Variants in CHL1 observed in about 807,000 individuals in gnomAD.
CHL1 encodes neural cell adhesion molecule L1-like protein.
In CHL1, 96 loss-of-function variants were observed where a neutral mutation model predicts 141.9. The observed-to-expected ratio is 0.68, with a 90% confidence interval of 0.57 to 0.80. The LOEUF (loss-of-function observed/expected upper bound fraction) is 0.80, where lower values mean the gene tolerates loss of function less well. Ranked by LOEUF, CHL1 falls within the 30% of genes least tolerant of loss-of-function variation. The pLI is 0.00. For synonymous variants in CHL1, 613 were observed against 502.2 expected, an observed-to-expected ratio of 1.22 and a Z score of -2.95; for missense variants, 1,820 against 1,457.2, an observed-to-expected ratio of 1.25 and a Z score of -4.05.
intron 2 of CHL1, among the ~76,000 whole-genome samples, chr3:272,138 T>C (rs1414293285): frequency 1.3e-5 from 2 of 152,220 alleles, no homozygotes; most frequent in African/African-American, 4.8e-5. Flanking sequence ...TTCAATTAAT[T>C]AGTTAAAATT....
At chr3:281,466 T>C (rs1342924256) in intron 2 of CHL1, among the ~76,000 whole-genome samples, 1 of 152,156 alleles carries the variant, frequency 6.6e-6, no homozygotes, top group Non-Finnish European at 1.5e-5. Flanking sequence ...CCCAGAAATC[T>C]TCTCTTGTTG....
At chr3:326,263 T>C (rs992898204) in intron 4 of CHL1, among the ~76,000 whole-genome samples, 199 bp downstream of exon 4, 5 of 152,084 alleles carry the variant, frequency 3.3e-5, no homozygotes, top group African/African-American at 1.2e-4. Flanking sequence ...GAATTTATTT[T>C]GACCATAAAC....
At chr3:391,225 T>C in intron 22 of CHL1, 66 bp downstream of exon 22, 1 of 1,291,776 alleles carries the variant, frequency 7.7e-7, no homozygotes. Context: ...TTAAACATTC[T>C]TCCTTATGGC....
chr3:306,561 A>G (rs189360666), intron 2 of CHL1, among the ~76,000 whole-genome samples: 10 of 152,256 alleles, frequency 6.6e-5, no homozygotes, highest in Admixed American at 5.2e-4. Flanking sequence ...TGTTTCTGTG[A>G]ACTACAGATT....
At position 349,541 on chromosome 3, in the gene CHL1, A is replaced by G; in HGVS notation, c.1031A>G (p.Glu344Gly). 1 of 1,611,152 alleles carries G rather than the reference A, an allele frequency of 6.2e-7. No individual in the cohort carries two copies. The highest frequency in any genetic ancestry group is 2.2e-5 in the East Asian group (1 of 44,858). The change falls in exon 10 of 28, where the codon GAA (glutamate) becomes GGA (glycine). Residue 344 changes from glutamate (E) to glycine (G), a missense_variant and splice_region_variant. Transcript: ENST00000256509. ...ACTCACGATTTTCACGTTATAGTAG[A>G]AGGTACCTTTCCCATGTTGGTCTAT... The part of the protein sequence containing the change: ...TATHDFHVIV[E>G]EPPRWTKKPQ...
chr3:367,322 G>C (rs1015436835), intron 15 of CHL1, among the ~76,000 whole-genome samples: 3 of 152,180 alleles, frequency 2.0e-5, no homozygotes, highest in Admixed American at 2.0e-4. Flanking sequence ...GATAGGACAT[G>C]TGCTGCTTGC....
intron 8 of CHL1, 111 bp from the exon 9 acceptor site, chr3:344,477 AC>A: frequency 1.4e-6 from 1 of 710,820 alleles, no homozygotes; most frequent in Non-Finnish European, 2.4e-6. Context: ...ACACACACAC[AC>A]ACACACACAC....
intron 19 of CHL1, among the ~76,000 whole-genome samples, chr3:387,636 T>C (rs917888729): frequency 2.6e-5 from 4 of 152,220 alleles, no homozygotes; most frequent in African/African-American, 9.6e-5. Flanking sequence ...CACACACTTA[T>C]TGTCAGCAGA....
chr3:242,555 C>T (rs891578051), intron 1 of CHL1, among the ~76,000 whole-genome samples: 15 of 151,894 alleles, frequency 9.9e-5, no homozygotes, highest in Non-Finnish European at 2.1e-4. Context: ...GAGATTGTGC[C>T]ACTGCACTCC....
intron 2 of CHL1, among the ~76,000 whole-genome samples, chr3:302,070 A>G (rs1272657771): frequency 2.0e-5 from 3 of 152,216 alleles, no homozygotes; most frequent in Admixed American, 1.3e-4. Flanking sequence ...CCTGCAAAGG[A>G]CAAGAACTCA....
chr3:351,568 T>A (rs1035034138), intron 10 of CHL1, among the ~76,000 whole-genome samples: 1 of 152,190 alleles, frequency 6.6e-6, no homozygotes, highest in Non-Finnish European at 1.5e-5. Flanking sequence ...CTTTTTTGTC[T>A]CTTTTTTAGA....
chr3:355,183 G>C (rs1703605186), intron 11 of CHL1, among the ~76,000 whole-genome samples: 2 of 152,164 alleles, frequency 1.3e-5, no homozygotes, highest in African/African-American at 4.8e-5. Context: ...ACCTGTCCTG[G>C]GCTCTGCCCT....
chr3:213,033 CGT>C, intron 1 of CHL1, among the ~76,000 whole-genome samples: 1 of 152,284 alleles, frequency 6.6e-6, no homozygotes, highest in South Asian at 2.1e-4. Flanking sequence ...TAAGAGCAAA[CGT>C]TACTATGATG....
chr3:399,024 T>C lies in CHL1; in HGVS notation c.3261T>C (p.Ala1087=), dbSNP rs1300943066. The part of the protein sequence containing the change: ...DVIETRGREY[A]GLYDDISTQG... ...CTTCTCTTTCTACCACAGAATATGC[T>C]GGTTTATATGATGACATCTCCACTC... The change falls in exon 26 of 28, where the codon GCT becomes GCC. Residue 1087 remains alanine (A), a synonymous_variant. Coordinates refer to ENST00000256509, the MANE Select transcript of CHL1 (RefSeq NM_006614.4). 1 of 1,613,390 alleles carries C rather than the reference T, an allele frequency of 6.2e-7. No homozygotes were observed. Among genetic ancestry groups the C allele is most frequent in the African/African-American group, 1.3e-5 (1 of 74,912 alleles).
chr3:235,362 G>A (rs1286682384), intron 1 of CHL1, among the ~76,000 whole-genome samples: 1 of 151,982 alleles, frequency 6.6e-6, no homozygotes, highest in Non-Finnish European at 1.5e-5. Context: ...ATTGTTAAAT[G>A]AAGGACATTA....
At chr3:382,708 T>C (rs1314131053) in intron 18 of CHL1, 37 bp downstream of exon 18, 2 of 1,566,162 alleles carry the variant, frequency 1.3e-6, no homozygotes, top group Non-Finnish European at 1.8e-6. Context: ...TAACAAAATA[T>C]TTGTTTGTCC....
intron 5 of CHL1, among the ~76,000 whole-genome samples, chr3:337,488 G>A (rs1009784987): frequency 8.6e-5 from 13 of 151,764 alleles, no homozygotes; most frequent in Non-Finnish European, 1.8e-4. Context: ...TTTACATTAG[G>A]TATGTCTCCC....
At chr3:285,968 T>C (rs1697093267) in intron 2 of CHL1, among the ~76,000 whole-genome samples, 2 of 152,196 alleles carry the variant, frequency 1.3e-5, no homozygotes, top group Admixed American at 1.3e-4. Context: ...GCAGTTTTTT[T>C]TCTCCTGTCA....
intron 9 of CHL1, among the ~76,000 whole-genome samples, chr3:345,130 A>G (rs1309435253): frequency 2.6e-5 from 4 of 152,204 alleles, no homozygotes; most frequent in Non-Finnish European, 4.4e-5. Context: ...CTCTCTGTCA[A>G]TTTATGATAT....
Sources: gnomAD v4.1 joint callset for allele counts (sites outside exome capture counted in the v4.1 genomes callset) on GRCh38, gnomAD v4.1.1 for gene constraint, MANE v1.5 for transcripts, NCBI Gene and HGNC (gene_info 2026-07-23, HGNC 2026-07-21) for gene names.